CYBRD1: variants seen among roughly 807,000 people sequenced by gnomAD.
CYBRD1 encodes the protein cytochrome b reductase 1.
In CYBRD1, 14 loss-of-function variants were observed where a neutral mutation model predicts 21.9. The ratio of observed to expected loss-of-function variants is 0.64; its 90% CI spans 0.42 to 1.00. The LOEUF (loss-of-function observed/expected upper bound fraction) is 1.00. CYBRD1 is among the 50% of genes least tolerant of loss of function. The pLI is 0.00. For synonymous variants in CYBRD1, 146 were observed against 136.5 expected (o/e 1.07, Z -0.48); for missense variants, 328 against 352.5 (o/e 0.93, Z 0.56).
Position 171,557,023 on chromosome 2 carries a change from A to G in CYBRD1, c.*2196A>G, listed in dbSNP as rs536135883. ...TGGCACTAGAATAGCACTGTTGCAAAGTATTTAAGCACCCCCCATCTCAGC... is the reference window on the plus strand; with the variant it reads ...TGGCACTAGAATAGCACTGTTGCAAGGTATTTAAGCACCCCCCATCTCAGC... On this transcript the variant is annotated 3_prime_UTR_variant, in exon 4 of 4. Transcript: ENST00000321348. The G allele has an allele frequency of 9.8e-5, 15 of 152,644 alleles. No homozygotes were observed. Among genetic ancestry groups the G allele is most frequent in the Non-Finnish European group, 1.8e-4 (12 of 68,046 alleles). 9.5% of individuals were successfully genotyped at this position (152,644 alleles called of 1,614,324 possible). A position where few individuals can be genotyped will look rare whatever the true frequency, so the allele number is the denominator to read the frequency against.
chr2:171,543,306 C>T (rs915634911), intron 2 of CYBRD1, among the ~76,000 whole-genome samples: 13 of 152,146 alleles, frequency 8.5e-5, no homozygotes, highest in African/African-American at 3.1e-4. Context: ...AGTCCAGGTC[C>T]TTGTATGTGC....
At chr2:171,546,390 T>C (rs1697715023) in intron 2 of CYBRD1, among the ~76,000 whole-genome samples, 1 of 152,240 alleles carries the variant, frequency 6.6e-6, no homozygotes, top group African/African-American at 2.4e-5. Flanking sequence ...CTAGCTGTTG[T>C]TATTATAAGT....
chr2:171,541,794 G>T lies in CYBRD1; in HGVS notation c.402+1G>T. 6.2e-7 allele frequency: 1 copy of T among 1,609,168 alleles called. No homozygotes were observed. On this transcript the variant is annotated splice_donor_variant, in intron 2 of 3. Transcript: ENST00000321348. LOFTEE classifies it high-confidence loss of function. ...AGCTGTCATATGCTATTTGTTACAG[G>T]TCAGTATTTCAGTGTATTTACAAGC... is the stretch of plus-strand genomic sequence containing the variant.
intron 2 of CYBRD1, among the ~76,000 whole-genome samples, chr2:171,551,306 A>G (rs116500799): frequency 0.025 from 3,747 of 152,290 alleles, 134 homozygotes; most frequent in African/African-American, 0.085. Context: ...TTTGATACTA[A>G]TAGAATCACT....
intron 1 of CYBRD1, among the ~76,000 whole-genome samples, chr2:171,529,578 A>G (rs1697433872): frequency 6.7e-6 from 1 of 149,920 alleles, no homozygotes; most frequent in African/African-American, 2.4e-5. Flanking sequence ...TATTAAGACC[A>G]TACTGAACAC....
intron 2 of CYBRD1, chr2:171,551,073 C>A: frequency 5.0e-6 from 1 of 199,062 alleles, no homozygotes; most frequent in Non-Finnish European, 1.0e-5. Context: ...CCTCCTGCCT[C>A]AGCATCCACA....
chr2:171,533,106 C>T (rs1423893575), intron 1 of CYBRD1, among the ~76,000 whole-genome samples: 1 of 151,990 alleles, frequency 6.6e-6, no homozygotes, highest in African/African-American at 2.4e-5. Flanking sequence ...GTGGCTCACG[C>T]CTGTAATCCC....
chr2:171,531,652 G>A (rs1697469666), intron 1 of CYBRD1, among the ~76,000 whole-genome samples: 1 of 152,082 alleles, frequency 6.6e-6, no homozygotes. Context: ...GTTTAGAAAT[G>A]TAGGTTATAT....
chr2:171,536,329 G>C (rs1697545147), intron 1 of CYBRD1, among the ~76,000 whole-genome samples: 1 of 151,558 alleles, frequency 6.6e-6, no homozygotes, highest in Non-Finnish European at 1.5e-5. Context: ...TTTTGAGACA[G>C]AGTCTGGTTC....
intron 1 of CYBRD1, among the ~76,000 whole-genome samples, chr2:171,528,483 C>T: frequency 1.3e-5 from 2 of 149,336 alleles, no homozygotes; most frequent in African/African-American, 5.0e-5. Flanking sequence ...TCCTGGCTGC[C>T]CCATCCTCAG....
rs1331481143 is a variant in CYBRD1, at chr2:171,522,962, G to A, written c.193+224G>A. ...GGTTCAGGAGGATCGCCGCGAGCGC[G>A]GGGCCGGGGGTGCGCGGTGGAGACG... is the stretch of plus-strand genomic sequence containing the variant. On this transcript the variant is annotated intron_variant, in intron 1 of 3. Transcript: ENST00000321348. This position sits in a 1 kb window ranked among gnomAD's most constrained non-coding sequence, Gnocchi z 4.3. The A allele has an allele frequency of 7.6e-6, 5 of 660,238 alleles. No individual in the cohort carries two copies. The highest frequency in any genetic ancestry group is 3.3e-5 in the Admixed American group (1 of 30,224). The allele number at this position is 660,238 out of a possible 1,614,324, so 40.9% of individuals were successfully genotyped here. A position where few individuals can be genotyped will look rare whatever the true frequency, so the allele number is the denominator to read the frequency against.
At chr2:171,535,234 C>T (rs1574435925) in intron 1 of CYBRD1, among the ~76,000 whole-genome samples, 1 of 152,124 alleles carries the variant, frequency 6.6e-6, no homozygotes, top group Admixed American at 6.6e-5. Flanking sequence ...TGTATGGGCT[C>T]ATTTGGATCA....
chr2:171,540,281 C>T (rs970915469), intron 1 of CYBRD1, among the ~76,000 whole-genome samples: 1 of 152,154 alleles, frequency 6.6e-6, no homozygotes, highest in Admixed American at 6.5e-5. Flanking sequence ...TACTTGTTAA[C>T]GTCTGGCTTC....
At chr2:171,552,695 C>A (rs142470037) in intron 2 of CYBRD1, among the ~76,000 whole-genome samples, 1 of 152,288 alleles carries the variant, frequency 6.6e-6, no homozygotes, top group East Asian at 1.9e-4. Context: ...TATATAGGAA[C>A]CTTGCTGTCT....
intron 1 of CYBRD1, chr2:171,523,344 G>A: frequency 2.8e-6 from 1 of 351,732 alleles, no homozygotes; most frequent in South Asian, 2.2e-5. Flanking sequence ...GGCGAGTGAA[G>A]CATCCGCCCT....
chr2:171,538,255 A>C (rs899126742), intron 1 of CYBRD1, among the ~76,000 whole-genome samples: 1 of 152,092 alleles, frequency 6.6e-6, no homozygotes, highest in Non-Finnish European at 1.5e-5. Context: ...CAAGAATGAA[A>C]CTCCATCTCA....
intron 1 of CYBRD1, among the ~76,000 whole-genome samples, chr2:171,539,244 G>T (rs1320388974): frequency 6.6e-6 from 1 of 152,152 alleles, no homozygotes; most frequent in Admixed American, 6.5e-5. Flanking sequence ...AGCACTTTGG[G>T]ATGCTGAGGC....
intron 2 of CYBRD1, 136 bp from the exon 3 acceptor site, chr2:171,553,210 G>A: frequency 1.0e-6 from 1 of 969,488 alleles, no homozygotes; most frequent in Non-Finnish European, 1.5e-6. Flanking sequence ...TGGAACTGGA[G>A]CGAGGAAACT....
chr2:171,554,821 CA>C lies in CYBRD1; in HGVS notation c.856del (p.Met286CysfsTer5), dbSNP rs750935470. The C allele has an allele frequency of 1.9e-6, 3 of 1,612,800 alleles. No individual in the cohort carries two copies. The highest frequency in any genetic ancestry group is 2.5e-6 in the Non-Finnish European group (3 of 1,179,822). ...ALDEAGQRST[M>X] ...TGGATGAGGCTGGGCAGAGATCTAC[CA>C]TGTAAAATGTTGTAGAGATAGAGCC... On this transcript the variant is annotated frameshift_variant, in exon 4 of 4. Transcript: ENST00000321348. LOFTEE classifies it high-confidence loss of function.
Sources: allele counts gnomAD v4.1 joint callset (sites outside exome capture counted in the v4.1 genomes callset), GRCh38; gene constraint gnomAD v4.1.1; non-coding constraint Gnocchi (gnomAD v3.1); transcripts MANE v1.5; gene names NCBI Gene and HGNC (gene_info 2026-07-23, HGNC 2026-07-21).